The following NEK7 variants were observed in gnomAD, a reference collection of about 807,000 sequenced individuals.
NEK7 encodes serine/threonine-protein kinase Nek7.
In NEK7, 18 loss-of-function variants were observed where a neutral mutation model predicts 44.6. That is an observed-to-expected ratio of 0.40 (90% confidence interval 0.28 to 0.60). The LOEUF (loss-of-function observed/expected upper bound fraction) is 0.60. Ranked by LOEUF, NEK7 falls within the 20% of genes least tolerant of loss-of-function variation. The pLI is 0.38. For missense variants in NEK7, 256 were observed against 366.5 expected (o/e 0.70, Z 2.46); for synonymous variants, 130 against 121.1 (o/e 1.07, Z -0.48).
rs751997297 is a variant in NEK7 at position 198,261,832 on chromosome 1, C to A, written c.199-743C>A. 1.9e-4 allele frequency among the ~76,000 whole-genome samples: 28 copies of A among 149,844 alleles called. 1 individual carries two copies. Among genetic ancestry groups the A allele is most frequent in the Admixed American group, 9.3e-4 (14 of 15,082 alleles). On this transcript the variant is annotated intron_variant, in intron 3 of 9. Coordinates refer to ENST00000367385, the MANE Select transcript of NEK7 (RefSeq NM_133494.3). ...TTTTCAACCTTTTCTTCATTATCCTCCCCCCAAGCTGCCTGTTTAGACATT... is the reference window on the plus strand; with the variant it reads ...TTTTCAACCTTTTCTTCATTATCCTACCCCCAAGCTGCCTGTTTAGACATT...
chr1:198,181,938 A>G (rs1460726672), intron 1 of NEK7, among the ~76,000 whole-genome samples: 3 of 152,024 alleles, frequency 2.0e-5, no homozygotes, highest in African/African-American at 4.8e-5. Context: ...AAATGATTTC[A>G]TTTGTTAGGA....
chr1:198,290,184 C>G (rs1654509940), intron 7 of NEK7, among the ~76,000 whole-genome samples: 1 of 152,286 alleles, frequency 6.6e-6, no homozygotes, highest in Admixed American at 6.5e-5. Context: ...AGTGGAATTA[C>G]ATGTGCTGTA....
At chr1:198,271,922 T>C (rs56759778) in intron 5 of NEK7, among the ~76,000 whole-genome samples, 27,404 of 144,498 alleles carry the variant, frequency 0.19, 3,044 homozygotes, top group African/African-American at 0.3. Flanking sequence ...TATATATATA[T>C]ATACACACAC....
At chr1:198,266,228 C>A (rs1223936239) in intron 5 of NEK7, among the ~76,000 whole-genome samples, 2 of 152,074 alleles carry the variant, frequency 1.3e-5, no homozygotes, top group Admixed American at 1.3e-4. Context: ...ACAACTATAT[C>A]TATACATACT....
At chr1:198,191,760 A>G (rs561533871) in intron 1 of NEK7, among the ~76,000 whole-genome samples, 10 of 152,004 alleles carry the variant, frequency 6.6e-5, no homozygotes, top group Non-Finnish European at 1.3e-4. Flanking sequence ...TGCTTTTCAT[A>G]TTTAGTTCTT....
chr1:198,195,530 C>G (rs369541168), intron 1 of NEK7, among the ~76,000 whole-genome samples: 17 of 152,046 alleles, frequency 1.1e-4, no homozygotes, highest in African/African-American at 4.1e-4. Context: ...GAAATTTAAC[C>G]TGAATATGGG....
intron 1 of NEK7, among the ~76,000 whole-genome samples, chr1:198,167,229 C>T (rs1457502204): frequency 2.0e-5 from 3 of 152,202 alleles, no homozygotes; most frequent in African/African-American, 7.2e-5. Context: ...TGTGTCTCTT[C>T]TCATAAGGAC....
chr1:198,248,266 G>A (rs1666891238), intron 2 of NEK7, among the ~76,000 whole-genome samples: 1 of 152,264 alleles, frequency 6.6e-6, no homozygotes, highest in East Asian at 1.9e-4. Flanking sequence ...TGTAAAAGGT[G>A]ATATTCCAAC....
At position 198,157,041 on chromosome 1, in the gene NEK7, C is replaced by T. The variant is rs1032182311; in HGVS notation, c.-264C>T. ...GCAGCAGGAGGAGGATCGGGAGTCG[C>T]GGGAGGATGGGCCGCCGCTAGGCTC... On this transcript the variant is annotated 5_prime_UTR_variant, in exon 1 of 10. Transcript: ENST00000367385. 16 of 152,096 alleles carry T rather than the reference C, an allele frequency of 1.1e-4. No individual in the cohort carries two copies. Among genetic ancestry groups the T allele is most frequent in the Admixed American group, 3.3e-4 (5 of 15,274 alleles). The allele number at this position is 152,096 out of a possible 1,614,324, so 9.4% of individuals were successfully genotyped here.
At chr1:198,289,704 TA>T (rs1480800547) in intron 7 of NEK7, among the ~76,000 whole-genome samples, 1 of 152,190 alleles carries the variant, frequency 6.6e-6, no homozygotes, top group Non-Finnish European at 1.5e-5. Context: ...AATTGTTAGC[TA>T]AACTATTCTG....
rs1016184235 is a variant in NEK7 at position 198,202,069 on chromosome 1, C to T, written c.-28-30484C>T. 5.3e-5 allele frequency among the ~76,000 whole-genome samples: 8 copies of T among 152,292 alleles called. No individual in the cohort carries two copies. In the East Asian group the frequency reaches 1.5e-3, roughly 29 times the overall value. On this transcript the variant is annotated intron_variant, in intron 1 of 9. Coordinates refer to ENST00000367385, the MANE Select transcript of NEK7 (RefSeq NM_133494.3). ...CATCTCAGGGCATCTAGTCTGCTGA[C>T]TCTTTTTGGCTTTACCTAAAAAGTC...
intron 2 of NEK7, among the ~76,000 whole-genome samples, chr1:198,241,106 C>T (rs1236679721): frequency 6.6e-6 from 1 of 152,158 alleles, no homozygotes; most frequent in Non-Finnish European, 1.5e-5. Context: ...CCATAGCCTC[C>T]CATGGTAGCT....
At chr1:198,299,744 C>T (rs1302261234) in intron 9 of NEK7, among the ~76,000 whole-genome samples, 1 of 152,190 alleles carries the variant, frequency 6.6e-6, no homozygotes, top group African/African-American at 2.4e-5. Context: ...CATGAGAATA[C>T]TAGCCATACC....
At chr1:198,211,348 T>C (rs958992069) in intron 1 of NEK7, among the ~76,000 whole-genome samples, 3 of 152,208 alleles carry the variant, frequency 2.0e-5, no homozygotes, top group Non-Finnish European at 4.4e-5. Context: ...ACTACAGTTA[T>C]CATTGTTACA....
At chr1:198,266,687 T>TA (rs1313544978) in intron 5 of NEK7, among the ~76,000 whole-genome samples, 1 of 152,090 alleles carries the variant, frequency 6.6e-6, no homozygotes, top group Non-Finnish European at 1.5e-5. Flanking sequence ...ATACCTGTCT[T>TA]ACAGTGTTGT....
intron 9 of NEK7, among the ~76,000 whole-genome samples, chr1:198,312,110 TTCAGCTCCTGTTATTGGTTTATTCAGAG>T (rs1253440161): frequency 6.6e-6 from 1 of 152,242 alleles, no homozygotes; most frequent in African/African-American, 2.4e-5. Flanking sequence ...TTGCCACAAT[TTCAGCTCCTGTTATTGGTTTATTCAGAG>T]ATTCAACTTC....
chr1:198,252,564 ATAT>A (rs1558079310), intron 2 of NEK7, among the ~76,000 whole-genome samples: 2,086 of 55,118 alleles, frequency 0.038, 100 homozygotes, highest in East Asian at 0.31. Context: ...ATATATATAT[ATAT>A]AAAAAGTACA....
chr1:198,225,111 G>A (rs1168210589), intron 1 of NEK7, among the ~76,000 whole-genome samples: 1 of 152,036 alleles, frequency 6.6e-6, no homozygotes, highest in African/African-American at 2.4e-5. Flanking sequence ...GGGAGGCTGA[G>A]GTGGGAGGAT....
chr1:198,300,217 T>C (rs1654843278), intron 9 of NEK7, among the ~76,000 whole-genome samples: 1 of 152,208 alleles, frequency 6.6e-6, no homozygotes, highest in South Asian at 2.1e-4. Context: ...TGTCTCTTAG[T>C]TTAAATGAAA....
Sources: gnomAD v4.1 joint callset for allele counts (sites outside exome capture counted in the v4.1 genomes callset) on GRCh38, gnomAD v4.1.1 for gene constraint, MANE v1.5 for transcripts, NCBI Gene and HGNC (gene_info 2026-07-23, HGNC 2026-07-21) for gene names.